Variants in PDSS2 observed in about 807,000 individuals in gnomAD.
PDSS2 encodes all trans-polyprenyl-diphosphate synthase PDSS2.
In PDSS2, 31 loss-of-function variants were observed where a neutral mutation model predicts 44.5. The observed-to-expected ratio is 0.70, with a 90% CI of 0.52 to 0.94. The LOEUF (loss-of-function observed/expected upper bound fraction) is 0.94, where lower values mean the gene tolerates loss of function less well. PDSS2 is among the 40% of genes least tolerant of loss of function. The pLI, the probability that PDSS2 is intolerant of heterozygous loss-of-function variation, is 0.00. For synonymous variants in PDSS2, 157 were observed against 180.3 expected (o/e 0.87, Z 1.03); for missense variants, 452 against 482.2 (o/e 0.94, Z 0.59).
At chr6:107,303,941 C>T (rs1452860355) in intron 2 of PDSS2, among the ~76,000 whole-genome samples, 2 of 152,108 alleles carry the variant, frequency 1.3e-5, no homozygotes, top group African/African-American at 4.8e-5. Flanking sequence ...TGTTTTTTGA[C>T]CATCTATAAC....
chr6:107,186,752 T>G (rs1443410624), intron 7 of PDSS2, among the ~76,000 whole-genome samples: 1 of 152,190 alleles, frequency 6.6e-6, no homozygotes, highest in African/African-American at 2.4e-5. Context: ...GAATGATGGC[T>G]TCTAGCTTCA....
chr6:107,155,374 T>C (rs1363714479), intron 7 of PDSS2, among the ~76,000 whole-genome samples: 2 of 151,912 alleles, frequency 1.3e-5, no homozygotes, highest in African/African-American at 2.4e-5. Context: ...CTCGAACTCC[T>C]GACCTCAAGT....
At chr6:107,212,018 T>C (rs1773233713) in intron 5 of PDSS2, 91 bp downstream of exon 5, 2 of 1,077,760 alleles carry the variant, frequency 1.9e-6, no homozygotes, top group African/African-American at 1.5e-5. Context: ...ATTTTTGAAA[T>C]ATAAAAGAAG....
At position 107,388,169 on chromosome 6, in the gene PDSS2, A is replaced by C. The variant is rs567385553; in HGVS notation, c.297-53837T>G. ...AGAAGAGAAGAAAGAATATGTCAAC[A>C]ATATGTATACTTAGTAGAGCATAAG... On this transcript the variant is annotated intron_variant, in intron 1 of 7. Coordinates refer to ENST00000369037, the MANE Select transcript of PDSS2 (RefSeq NM_020381.4). Among the ~76,000 whole-genome samples the C allele has an allele frequency of 2.6e-5, 4 of 152,354 alleles. No homozygotes were observed. The South Asian group carries it at 8.3e-4, about 32-fold the overall frequency.
At chr6:107,411,580 T>C (rs1780495035) in intron 1 of PDSS2, among the ~76,000 whole-genome samples, 1 of 152,106 alleles carries the variant, frequency 6.6e-6, no homozygotes, top group African/African-American at 2.4e-5. Flanking sequence ...AGATCAAAAA[T>C]ATTCAGAAAA....
Position 107,393,542 on chromosome 6 carries a change from C to T in PDSS2, c.297-59210G>A, listed in dbSNP as rs184439355. On this transcript the variant is annotated intron_variant, in intron 1 of 7. Transcript: ENST00000369037. ...AAGTTGGTTCATAGTGCTGTTCAGT[C>T]TTCTAAATCCCTATGAATTTTATGT... is the stretch of plus-strand genomic sequence containing the variant. Among the ~76,000 whole-genome samples the T allele has an allele frequency of 2.5e-3, 382 of 152,202 alleles. 3 individuals are homozygous for T. The highest frequency in any genetic ancestry group is 3.7e-3 in the Admixed American group (56 of 15,270).
At chr6:107,411,007 C>T (rs368436057) in intron 1 of PDSS2, among the ~76,000 whole-genome samples, 1 of 152,086 alleles carries the variant, frequency 6.6e-6, no homozygotes. Flanking sequence ...GCCTCAGCCT[C>T]CCAACTATCT....
At chr6:107,436,996 T>G (rs886944714) in intron 1 of PDSS2, among the ~76,000 whole-genome samples, 5 of 149,424 alleles carry the variant, frequency 3.3e-5, no homozygotes, top group East Asian at 2.0e-4. Flanking sequence ...TCAGTGTGGG[T>G]TTTTTTTTTC....
At chr6:107,318,109 T>C (rs1777258520) in intron 2 of PDSS2, among the ~76,000 whole-genome samples, 1 of 152,170 alleles carries the variant, frequency 6.6e-6, no homozygotes, top group Admixed American at 6.6e-5. Flanking sequence ...GATGATTTTA[T>C]ATATAAAGTG....
chr6:107,265,352 C>T (rs1001162069), intron 3 of PDSS2, among the ~76,000 whole-genome samples: 15 of 152,086 alleles, frequency 9.9e-5, no homozygotes, highest in African/African-American at 3.6e-4. Context: ...AGACAAGAAT[C>T]CAGTAGCACA....
intron 1 of PDSS2, among the ~76,000 whole-genome samples, chr6:107,370,600 G>GTGCA (rs756719299): frequency 2.6e-5 from 4 of 152,234 alleles, no homozygotes; most frequent in Admixed American, 2.0e-4. Flanking sequence ...AGATAAGGAA[G>GTGCA]TGCATATTAA....
At chr6:107,251,787 A>G (rs1375155493) in intron 3 of PDSS2, among the ~76,000 whole-genome samples, 1 of 152,204 alleles carries the variant, frequency 6.6e-6, no homozygotes, top group Non-Finnish European at 1.5e-5. Context: ...AGGGTGCTGA[A>G]TAGGCCGATA....
chr6:107,176,185 G>A (rs182748218), intron 7 of PDSS2, among the ~76,000 whole-genome samples: 4 of 152,100 alleles, frequency 2.6e-5, no homozygotes, highest in Middle Eastern at 3.4e-3. Context: ...GGGATTATAG[G>A]TAAGCGCCAC....
At chr6:107,191,133 C>T (rs113725451) in intron 7 of PDSS2, among the ~76,000 whole-genome samples, 7,745 of 152,148 alleles carry the variant, frequency 0.051, 600 homozygotes, top group African/African-American at 0.17. Context: ...CTTCGTGATC[C>T]GCCCGCCTCC....
chr6:107,436,907 C>T (rs1357161150), intron 1 of PDSS2, among the ~76,000 whole-genome samples: 3 of 152,010 alleles, frequency 2.0e-5, no homozygotes, highest in Non-Finnish European at 4.4e-5. Context: ...TTCAAATTGG[C>T]ATTAATTTAC....
At chr6:107,448,236 T>C (rs1480795803) in intron 1 of PDSS2, among the ~76,000 whole-genome samples, 1 of 152,248 alleles carries the variant, frequency 6.6e-6, no homozygotes, top group African/African-American at 2.4e-5. Flanking sequence ...TCATTACTTA[T>C]GCAAATTTGT....
At chr6:107,360,943 T>C (rs899343671) in intron 1 of PDSS2, among the ~76,000 whole-genome samples, 4 of 152,220 alleles carry the variant, frequency 2.6e-5, no homozygotes, top group African/African-American at 9.6e-5. Context: ...TTGCAAATGT[T>C]AGAGATACAG....
chr6:107,403,429 A>G (rs1372505965), intron 1 of PDSS2, among the ~76,000 whole-genome samples: 1 of 152,178 alleles, frequency 6.6e-6, no homozygotes, highest in East Asian at 1.9e-4. Flanking sequence ...CAAGTTGTCA[A>G]TGGATCTACC....
At chr6:107,380,386 C>G (rs1272765700) in intron 1 of PDSS2, among the ~76,000 whole-genome samples, 1 of 152,148 alleles carries the variant, frequency 6.6e-6, no homozygotes, top group Non-Finnish European at 1.5e-5. Context: ...TTTCCCCCTC[C>G]CTTTATGTTA....
Sources: gnomAD v4.1 joint callset for allele counts (sites outside exome capture counted in the v4.1 genomes callset) on GRCh38, gnomAD v4.1.1 for gene constraint, MANE v1.5 for transcripts, NCBI Gene and HGNC (gene_info 2026-07-23, HGNC 2026-07-21) for gene names.